The following PTK2 variants were observed in gnomAD, a reference collection of about 807,000 sequenced individuals.
PTK2 encodes the protein protein tyrosine kinase 2.
Under a neutral mutation model 150.1 loss-of-function variants are expected in PTK2, and 45 were observed. That is an observed-to-expected ratio of 0.30 (90% CI 0.24 to 0.38). PTK2 has a LOEUF of 0.38. Ranked by LOEUF, PTK2 falls within the 10% of genes least tolerant of loss-of-function variation. The pLI, the probability that PTK2 is intolerant of heterozygous loss-of-function variation, is 1.00. For synonymous variants in PTK2, 432 were observed against 449.2 expected, an observed-to-expected ratio of 0.96 and a Z score of 0.48; for missense variants, 919 against 1,307.3, an observed-to-expected ratio of 0.70 and a Z score of 4.58.
intron 14 of PTK2, among the ~76,000 whole-genome samples, chr8:140,788,903 T>C (rs2100086615): frequency 6.6e-6 from 1 of 152,094 alleles, no homozygotes; most frequent in Non-Finnish European, 1.5e-5. Context: ...TGCTTTCTCA[T>C]CCTCCCCCTT....
chr8:140,751,171 T>C (rs2100062444), intron 17 of PTK2, among the ~76,000 whole-genome samples: 1 of 152,066 alleles, frequency 6.6e-6, no homozygotes, highest in East Asian at 1.9e-4. Context: ...GAAGTTTTCT[T>C]TTCTTTTGTT....
intron 7 of PTK2, among the ~76,000 whole-genome samples, chr8:140,832,716 C>T (rs550916534): frequency 1.3e-5 from 2 of 152,024 alleles, no homozygotes; most frequent in African/African-American, 2.4e-5. Flanking sequence ...AGTGACTGGA[C>T]ATGAGGTGTG....
intron 1 of PTK2, among the ~76,000 whole-genome samples, chr8:140,941,156 T>C (rs544452203): frequency 6.6e-6 from 1 of 152,260 alleles, no homozygotes; most frequent in East Asian, 1.9e-4. Flanking sequence ...CTAAAAAGCG[T>C]ACCAGCACAC....
At chr8:140,730,965 C>CTT (rs398010103) in intron 22 of PTK2, among the ~76,000 whole-genome samples, 1 of 82,548 alleles carries the variant, frequency 1.2e-5, no homozygotes, top group Non-Finnish European at 2.3e-5. Flanking sequence ...CCCCCCCCCC[C>CTT]TTTTTTTTTT....
chr8:140,928,726 G>A (rs893171149), intron 1 of PTK2, among the ~76,000 whole-genome samples: 1 of 152,040 alleles, frequency 6.6e-6, no homozygotes, highest in Non-Finnish European at 1.5e-5. Flanking sequence ...ATAACATATC[G>A]AATGTAGTCA....
At chr8:140,915,464 C>G (rs1331615136) in intron 2 of PTK2, among the ~76,000 whole-genome samples, 1 of 152,016 alleles carries the variant, frequency 6.6e-6, no homozygotes, top group Non-Finnish European at 1.5e-5. Context: ...TTTAGGGTTC[C>G]CATATAATTT....
intron 27 of PTK2, among the ~76,000 whole-genome samples, chr8:140,684,189 T>A (rs2100018534): frequency 6.6e-6 from 1 of 152,184 alleles, no homozygotes; most frequent in East Asian, 1.9e-4. Flanking sequence ...ACAGGTTTCG[T>A]GGAAGACAAT....
intron 7 of PTK2, among the ~76,000 whole-genome samples, chr8:140,844,968 G>A (rs907029475): frequency 3.3e-5 from 5 of 152,076 alleles, no homozygotes; most frequent in Non-Finnish European, 5.9e-5. Context: ...AGAAAACCAA[G>A]AGACTCCTTG....
chr8:140,989,190 C>T, intron 1 of PTK2, among the ~76,000 whole-genome samples: 1 of 98,204 alleles, frequency 1.0e-5, no homozygotes. Flanking sequence ...CTAGCCTGGG[C>T]AACATAGGAA....
chr8:140,966,196 C>T (rs1587857084), intron 1 of PTK2, among the ~76,000 whole-genome samples: 1 of 152,172 alleles, frequency 6.6e-6, no homozygotes, highest in South Asian at 2.1e-4. Context: ...CCATTGTATA[C>T]CCAACAGTAT....
In PTK2 at chr8:140,743,138, C is replaced by T. The variant is rs1363539439; in HGVS notation, c.1735+92G>A. ...CATTTAGTTGATTTTATATCTCTGT[C>T]AAAGATCAGGTGAGCATATTAGAAC... On this transcript the variant is annotated intron_variant, in intron 20 of 31. Coordinates refer to ENST00000522684, the Ensembl canonical transcript of PTK2. 13 of 824,740 alleles carry T rather than the reference C, an allele frequency of 1.6e-5. No homozygotes were observed. The South Asian group carries it at 2.6e-4, about 17-fold the overall frequency. The allele number at this position is 824,740 out of a possible 1,614,324, so 51.1% of individuals were successfully genotyped here.
chr8:140,679,003 G>GTTTTTTTTTTTTTTTTTTT lies in PTK2; in HGVS notation c.2563-3523_2563-3505dup, dbSNP rs533089786. Reference sequence around the variant, plus strand: ...TCACGGCCAGCTGAGTGCTCCCCATGTTTTTTTTTTTTTTTTTTTTTTTTT... The same window carrying GTTTTTTTTTTTTTTTTTTT: ...TCACGGCCAGCTGAGTGCTCCCCATGTTTTTTTTTTTTTTTTTTTTTTTTTTTTTTTTTTTTTTTTTTTT... On this transcript the variant is annotated intron_variant, in intron 27 of 31. Coordinates refer to ENST00000522684, the Ensembl canonical transcript of PTK2. Among the ~76,000 whole-genome samples, 5 of 69,006 alleles carry GTTTTTTTTTTTTTTTTTTT rather than the reference G, an allele frequency of 7.2e-5. 1 individual carries two copies. The highest frequency in any genetic ancestry group is 1.1e-3 in the South Asian group (2 of 1,778). The allele number at this position is 69,006 out of a possible 152,430, so 45.3% of individuals were successfully genotyped here.
chr8:140,985,673 AGTGCCCT>A (rs2100193039), intron 1 of PTK2, among the ~76,000 whole-genome samples: 1 of 152,314 alleles, frequency 6.6e-6, no homozygotes, highest in South Asian at 2.1e-4. Context: ...AGAACCCCAC[AGTGCCCT>A]GCAACTTTGC....
At chr8:140,706,965 G>A (rs1199107359) in intron 23 of PTK2, among the ~76,000 whole-genome samples, 1 of 152,164 alleles carries the variant, frequency 6.6e-6, no homozygotes, top group Non-Finnish European at 1.5e-5. Context: ...TCCGTCAACT[G>A]ATATAACTGG....
At chr8:140,998,004 A>C (rs1434285756) in intron 1 of PTK2, among the ~76,000 whole-genome samples, 1 of 152,170 alleles carries the variant, frequency 6.6e-6, no homozygotes, top group Non-Finnish European at 1.5e-5. Flanking sequence ...TGTAAACCTA[A>C]CTTTTATATG....
intron 3 of PTK2, among the ~76,000 whole-genome samples, chr8:140,881,978 A>G (rs2100149376): frequency 6.6e-6 from 1 of 152,196 alleles, no homozygotes; most frequent in African/African-American, 2.4e-5. Flanking sequence ...CTTTGCATAC[A>G]GTAGTACCTC....
exon 12 of PTK2, chr8:140,800,490 G>A: frequency 1.2e-6 from 2 of 1,613,678 alleles, no homozygotes; most frequent in Non-Finnish European, 1.7e-6. Context: ...ATGACTGCGA[G>A]GTTCCATTCA....
intron 2 of PTK2, among the ~76,000 whole-genome samples, chr8:140,899,233 C>G (rs954860822): frequency 1.3e-5 from 2 of 151,956 alleles, no homozygotes; most frequent in Non-Finnish European, 2.9e-5. Flanking sequence ...CTGACTCTGG[C>G]TAAGGGACTT....
chr8:140,971,193 A>T (rs189435577), intron 1 of PTK2, among the ~76,000 whole-genome samples: 3 of 152,354 alleles, frequency 2.0e-5, no homozygotes, highest in Admixed American at 2.0e-4. Context: ...ACTAAGATGC[A>T]TGATAATAAC....
Sources: gnomAD v4.1 joint callset for allele counts (sites outside exome capture counted in the v4.1 genomes callset) on GRCh38, gnomAD v4.1.1 for gene constraint, MANE v1.5 for transcripts, NCBI Gene and HGNC (gene_info 2026-07-23, HGNC 2026-07-21) for gene names.